The following ARK2C variants were observed in gnomAD, a reference collection of about 807,000 sequenced individuals.
ARK2C encodes arkadia (RNF111) C-terminal like ring finger ubiquitin ligase 2C, also known as E3 ubiquitin-protein ligase ARK2C.
the ARK2C span, among the ~76,000 whole-genome samples, chr18:46,368,104 C>T: frequency 6.6e-6 from 1 of 152,144 alleles, no homozygotes; most frequent in Non-Finnish European, 1.5e-5. Context: ...GTGATGCATA[C>T]AAATGGTGGG....
chr18:46,404,769 A>AAC, the ARK2C span, among the ~76,000 whole-genome samples: 67 of 144,014 alleles, frequency 4.7e-4, no homozygotes, highest in African/African-American at 6.7e-4. Context: ...CACACACACA[A>AAC]ACACACACAC....
chr18:46,429,627 TAAAC>T, the ARK2C span, among the ~76,000 whole-genome samples: 1 of 152,242 alleles, frequency 6.6e-6, no homozygotes, highest in African/African-American at 2.4e-5. Flanking sequence ...TACAGTTTCT[TAAAC>T]AACTTTTTCT....
At chr18:46,411,599 G>A in the ARK2C span, among the ~76,000 whole-genome samples, 1 of 152,208 alleles carries the variant, frequency 6.6e-6, no homozygotes, top group Non-Finnish European at 1.5e-5. Flanking sequence ...TTCTATATGT[G>A]TACTAGTTTC....
At chr18:46,450,154 G>A in the ARK2C span, 4 of 654,910 alleles carry the variant, frequency 6.1e-6, no homozygotes, top group South Asian at 7.1e-5. Context: ...GAAAGAAAAG[G>A]GACATAAGAG....
chr18:46,345,562 G>C, the ARK2C span, among the ~76,000 whole-genome samples: 3 of 152,316 alleles, frequency 2.0e-5, no homozygotes, highest in African/African-American at 4.8e-5. Context: ...CATCTGGCTG[G>C]GGGGTGGACT....
the ARK2C span, among the ~76,000 whole-genome samples, chr18:46,359,658 T>G: frequency 6.6e-6 from 1 of 152,338 alleles, no homozygotes; most frequent in East Asian, 1.9e-4. Context: ...TTCTGTCACA[T>G]GTTCAGGAAG....
chr18:46,455,591 C>T, the ARK2C span, among the ~76,000 whole-genome samples: 1 of 152,076 alleles, frequency 6.6e-6, no homozygotes, highest in Admixed American at 6.5e-5. Context: ...AATCCCAGCA[C>T]TTTGGGAGGC....
At chr18:46,461,763 G>A in the ARK2C span, 1 of 152,206 alleles carries the variant, frequency 6.6e-6, no homozygotes, top group African/African-American at 2.4e-5. Context: ...CTTGCTCAGA[G>A]TTGACTTTCG....
At chr18:46,393,487 C>G in the ARK2C span, among the ~76,000 whole-genome samples, 2 of 152,198 alleles carry the variant, frequency 1.3e-5, no homozygotes, top group Non-Finnish European at 2.9e-5. Flanking sequence ...GGGAGGCTTC[C>G]TTCTCTTTCT....
At chr18:46,410,732 A>G in the ARK2C span, among the ~76,000 whole-genome samples, 2 of 152,208 alleles carry the variant, frequency 1.3e-5, no homozygotes, top group Admixed American at 6.5e-5. Flanking sequence ...AACACACCCC[A>G]TGACCAGGAG....
the ARK2C span, among the ~76,000 whole-genome samples, chr18:46,431,155 G>C: frequency 6.6e-6 from 1 of 152,136 alleles, no homozygotes; most frequent in Non-Finnish European, 1.5e-5. Flanking sequence ...TTGGTTTTCT[G>C]TTCCTGTGTT....
At chr18:46,368,434 T>C in the ARK2C span, among the ~76,000 whole-genome samples, 1 of 152,034 alleles carries the variant, frequency 6.6e-6, no homozygotes, top group Admixed American at 6.5e-5. Context: ...TGCCTGGTCA[T>C]GAGATAGAAG....
the ARK2C span, among the ~76,000 whole-genome samples, chr18:46,454,729 T>C: frequency 6.6e-6 from 1 of 152,222 alleles, no homozygotes; most frequent in African/African-American, 2.4e-5. Flanking sequence ...CTTTGCAAAA[T>C]GATCTTGAAG....
chr18:46,454,975 C>T, the ARK2C span, among the ~76,000 whole-genome samples: 8,155 of 152,224 alleles, frequency 0.054, 281 homozygotes, highest in Non-Finnish European at 0.072. Flanking sequence ...GAATTTGAGA[C>T]TTTACATAAT....
At chr18:46,341,916 T>C in the ARK2C span, among the ~76,000 whole-genome samples, 990 of 152,254 alleles carry the variant, frequency 6.5e-3, 12 homozygotes, top group African/African-American at 0.023. Flanking sequence ...TCCACTACTT[T>C]GCAAAAGGCC....
At chr18:46,462,804 C>T in the ARK2C span, 1 of 152,450 alleles carries the variant, frequency 6.6e-6, no homozygotes, top group South Asian at 2.1e-4. Context: ...CACCCCTGGC[C>T]TCGGATGCGG....
At chr18:46,428,307 G>A in the ARK2C span, among the ~76,000 whole-genome samples, 1 of 152,210 alleles carries the variant, frequency 6.6e-6, no homozygotes, top group Non-Finnish European at 1.5e-5. Context: ...TACTCGGGAG[G>A]CTGAGGCAGG....
At chr18:46,399,806 C>T in the ARK2C span, among the ~76,000 whole-genome samples, 1 of 152,224 alleles carries the variant, frequency 6.6e-6, no homozygotes, top group Admixed American at 6.5e-5. Context: ...CTCCCCTCAC[C>T]AGGCCCTGCT....
At chr18:46,362,380 T>G in the ARK2C span, among the ~76,000 whole-genome samples, 1 of 152,232 alleles carries the variant, frequency 6.6e-6, no homozygotes, top group Non-Finnish European at 1.5e-5. Context: ...AACAGACTTT[T>G]AATAAGATGC....
Sources: gnomAD v4.1 joint callset for allele counts (sites outside exome capture counted in the v4.1 genomes callset) on GRCh38, gnomAD v4.1.1 for gene constraint, MANE v1.5 for transcripts, NCBI Gene and HGNC (gene_info 2026-07-23, HGNC 2026-07-21) for gene names.